Variants in SLC10A1 observed in about 807,000 individuals in gnomAD.
SLC10A1 encodes the protein solute carrier family 10 member 1.
In SLC10A1, 36 loss-of-function variants were observed where a neutral mutation model predicts 20.5. The observed-to-expected ratio is 1.75, with a 90% CI of 1.34 to 2.32. The LOEUF (loss-of-function observed/expected upper bound fraction) is 2.32, where lower values mean the gene tolerates loss of function less well. Ranked by LOEUF, SLC10A1 falls within the 30% of genes most tolerant of loss-of-function variation. SLC10A1 has a pLI of 0.00. For synonymous variants in SLC10A1, 188 were observed against 163.6 expected, an observed-to-expected ratio of 1.15 and a Z score of -1.14; for missense variants, 545 against 439.1, an observed-to-expected ratio of 1.24 and a Z score of -2.16.
intron 1 of SLC10A1, 38 bp downstream of exon 1, chr14:69,796,762 C>G (rs1379473219): frequency 6.6e-7 from 1 of 1,518,182 alleles, no homozygotes; most frequent in South Asian, 1.2e-5. Flanking sequence ...TAATGTAGCT[C>G]CTGTCCCAGG....
At chr14:69,791,256 A>T (rs1883831831) in intron 1 of SLC10A1, among the ~76,000 whole-genome samples, 1 of 152,116 alleles carries the variant, frequency 6.6e-6, no homozygotes. Context: ...TTGAAAGGTG[A>T]TACTGAAACT....
rs759902090 is a variant in SLC10A1, at chr14:69,778,483, GT to G, written c.792del (p.Gln264HisfsTer27). On this transcript the variant is annotated frameshift_variant, in exon 4 of 5. Coordinates refer to ENST00000216540, the MANE Select transcript of SLC10A1 (RefSeq NM_003049.4). LOFTEE classifies it high-confidence loss of function. ...GCCACATTGAGGATGGTGGAACAGA[GT>G]TGGACATTTTGGCATCCAGTCTCCA... is the stretch of plus-strand genomic sequence containing the variant. ...VSMETGCQNV[Q>X]LCSTILNVAF... 3 of 1,612,824 alleles carry G rather than the reference GT, an allele frequency of 1.9e-6. No homozygotes were observed. The highest frequency in any genetic ancestry group is 2.5e-6 in the Non-Finnish European group (3 of 1,179,646).
At chr14:69,782,516 T>G (rs1380985775) in intron 2 of SLC10A1, among the ~76,000 whole-genome samples, 1 of 152,176 alleles carries the variant, frequency 6.6e-6, no homozygotes, top group Non-Finnish European at 1.5e-5. Context: ...CTTTAAGATC[T>G]GAGATTCTCG....
chr14:69,779,139 C>T, intron 3 of SLC10A1, 43 bp downstream of exon 3: 1 of 1,455,890 alleles, frequency 6.9e-7, no homozygotes, highest in Non-Finnish European at 9.2e-7. Flanking sequence ...CCAGCCTGGG[C>T]AACAGAGTGA....
chr14:69,789,275 T>C (rs1181239564), intron 1 of SLC10A1, among the ~76,000 whole-genome samples: 1 of 152,246 alleles, frequency 6.6e-6, no homozygotes, highest in Non-Finnish European at 1.5e-5. Flanking sequence ...ATAGACATTA[T>C]TCATACTAGG....
chr14:69,779,389 A>G (rs1006379852), intron 2 of SLC10A1, 29 bp from the exon 3 acceptor site: 1 of 1,588,932 alleles, frequency 6.3e-7, no homozygotes, highest in East Asian at 2.2e-5. Context: ...AAAGGCAATT[A>G]GAAGAGTTGG....
chr14:69,794,517 G>A (rs577351919), intron 1 of SLC10A1, among the ~76,000 whole-genome samples: 2 of 152,180 alleles, frequency 1.3e-5, no homozygotes, highest in African/African-American at 4.8e-5. Flanking sequence ...GCTGTAGGAG[G>A]ATCACATATA....
intron 2 of SLC10A1, among the ~76,000 whole-genome samples, chr14:69,782,532 G>T (rs1883617129): frequency 6.6e-6 from 1 of 152,234 alleles, no homozygotes; most frequent in African/African-American, 2.4e-5. Context: ...TCTCGGCAAG[G>T]TGTGGTGGCT....
chr14:69,780,145 A>G (rs1451203490), intron 2 of SLC10A1, among the ~76,000 whole-genome samples: 5 of 152,244 alleles, frequency 3.3e-5, no homozygotes, highest in Non-Finnish European at 5.9e-5. Context: ...AAGTTCCCAA[A>G]AGAACTTTCA....
intron 2 of SLC10A1, among the ~76,000 whole-genome samples, chr14:69,781,257 A>C (rs1883584480): frequency 6.6e-6 from 1 of 152,200 alleles, no homozygotes; most frequent in African/African-American, 2.4e-5. Flanking sequence ...TCCTGTCTAC[A>C]ACCCCTGTCT....
intron 1 of SLC10A1, 21 bp from the exon 2 acceptor site, chr14:69,786,328 A>G (rs746816161): frequency 6.2e-7 from 1 of 1,601,902 alleles, no homozygotes; most frequent in Admixed American, 1.7e-5. Context: ...ACATGGGAAG[A>G]GGGGAGAGAG....
At chr14:69,796,402 A>G (rs912859594) in intron 1 of SLC10A1, among the ~76,000 whole-genome samples, 1 of 152,176 alleles carries the variant, frequency 6.6e-6, no homozygotes, top group Non-Finnish European at 1.5e-5. Context: ...CTCCCTGATG[A>G]TGTTTGGAAC....
Position 69,775,604 on chromosome 14 carries a change from CATT to C in SLC10A1, c.*675_*677del. The C allele has an allele frequency of 6.6e-6, 1 of 152,318 alleles. No homozygotes were observed. Among genetic ancestry groups the C allele is most frequent in the East Asian group, 1.9e-4 (1 of 5,190 alleles). The allele number at this position is 152,318 out of a possible 1,614,324, so 9.4% of individuals were successfully genotyped here. On this transcript the variant is annotated 3_prime_UTR_variant, in exon 5 of 5. Coordinates refer to ENST00000216540, the MANE Select transcript of SLC10A1 (RefSeq NM_003049.4). ...AAAAAAGAGATTATTAGTGAGGTAACATTGTGTTAATGTATGTGTTTGTTTCCT... is the reference window on the plus strand; with the variant it reads ...AAAAAAGAGATTATTAGTGAGGTAACGTGTTAATGTATGTGTTTGTTTCCT...
rs889819880 is a variant in SLC10A1 at position 69,775,590 on chromosome 14, T to C, written c.*692A>G. ...TACCTACTGAACTTAAAAAAGAGAT[T>C]ATTAGTGAGGTAACATTGTGTTAAT... is the stretch of plus-strand genomic sequence containing the variant. On this transcript the variant is annotated 3_prime_UTR_variant, in exon 5 of 5. Coordinates refer to ENST00000216540, the MANE Select transcript of SLC10A1 (RefSeq NM_003049.4). The C allele has an allele frequency of 1.3e-5, 2 of 152,206 alleles. No individual in the cohort carries two copies. Among genetic ancestry groups the C allele is most frequent in the Non-Finnish European group, 2.9e-5 (2 of 68,034 alleles). The allele number at this position is 152,206 out of a possible 1,614,324, so 9.4% of individuals were successfully genotyped here. A position where few individuals can be genotyped will look rare whatever the true frequency, so the allele number is the denominator to read the frequency against.
In SLC10A1 at chr14:69,775,450, AT is replaced by A. The variant is rs1472679564; in HGVS notation, c.*831del. ...AAATGTTTAAATTTTATTAGAGACA[AT>A]TTGAAATTTGTGAATTCTAGGTATT... On this transcript the variant is annotated 3_prime_UTR_variant, in exon 5 of 5. Coordinates refer to ENST00000216540, the MANE Select transcript of SLC10A1 (RefSeq NM_003049.4). 3 of 152,224 alleles carry A rather than the reference AT, an allele frequency of 2.0e-5. No homozygotes were observed. Among genetic ancestry groups the A allele is most frequent in the African/African-American group, 7.2e-5 (3 of 41,460 alleles). 9.4% of individuals were successfully genotyped at this position (152,224 alleles called of 1,614,324 possible). A position where few individuals can be genotyped will look rare whatever the true frequency, so the allele number is the denominator to read the frequency against.
chr14:69,784,897 T>C (rs2139715983), intron 2 of SLC10A1, among the ~76,000 whole-genome samples: 1 of 152,272 alleles, frequency 6.6e-6, no homozygotes, highest in African/African-American at 2.4e-5. Context: ...GCTGTGGCCA[T>C]GGCACTGGGA....
At chr14:69,778,035 GT>G (rs1883490013) in intron 4 of SLC10A1, among the ~76,000 whole-genome samples, 1 of 152,150 alleles carries the variant, frequency 6.6e-6, no homozygotes, top group African/African-American at 2.4e-5. Context: ...GTCCAAGGCA[GT>G]TTTGTCCTAT....
chr14:69,789,467 A>G (rs1883794111), intron 1 of SLC10A1, among the ~76,000 whole-genome samples: 1 of 152,272 alleles, frequency 6.6e-6, no homozygotes, highest in African/African-American at 2.4e-5. Context: ...AAGGTCACAT[A>G]TTGAATGCTT....
intron 2 of SLC10A1, among the ~76,000 whole-genome samples, chr14:69,782,500 C>G (rs1048957190): frequency 6.6e-6 from 1 of 152,162 alleles, no homozygotes; most frequent in Non-Finnish European, 1.5e-5. Context: ...TTAAAGGCTT[C>G]TCCAGCTTTA....
Sources: gnomAD v4.1 joint callset for allele counts (sites outside exome capture counted in the v4.1 genomes callset) on GRCh38, gnomAD v4.1.1 for gene constraint, MANE v1.5 for transcripts, NCBI Gene and HGNC (gene_info 2026-07-23, HGNC 2026-07-21) for gene names.